Variants in PLG observed in about 807,000 individuals in gnomAD.
PLG encodes plasmin.
Under a neutral mutation model 104.4 loss-of-function variants are expected in PLG, and 41 were observed. That is an observed-to-expected ratio of 0.39 (90% CI 0.31 to 0.51). PLG has a LOEUF of 0.51. PLG is among the 20% of genes least tolerant of loss of function. The pLI is 0.76. For missense variants in PLG, 891 were observed against 1,003.6 expected, an observed-to-expected ratio of 0.89 and a Z score of 1.52; for synonymous variants, 337 against 357.1, an observed-to-expected ratio of 0.94 and a Z score of 0.63.
chr6:160,718,867 GGC>G, intron 9 of PLG, 29 bp downstream of exon 9: 2 of 1,606,074 alleles, frequency 1.2e-6, no homozygotes, highest in South Asian at 1.1e-5. Flanking sequence ...GCTTACTGAG[GGC>G]CCAAGTTTTC....
At chr6:160,728,657 T>C (rs544418311) in intron 10 of PLG, among the ~76,000 whole-genome samples, 128 of 152,226 alleles carry the variant, frequency 8.4e-4, no homozygotes, top group African/African-American at 3.0e-3. Context: ...GAAAAACATC[T>C]TTTCCAAAAT....
chr6:160,732,809 C>T lies in PLG; in HGVS notation c.1587+916C>T, dbSNP rs1361980610. Among the ~76,000 whole-genome samples the T allele has an allele frequency of 6.6e-6, 1 of 152,192 alleles. No individual in the cohort carries two copies. The highest frequency in any genetic ancestry group is 2.4e-5 in the African/African-American group (1 of 41,450). Reference sequence around the variant, plus strand: ...AAGGGGCTCAGAGTTTCCATGCCCTCTCCAGTGCACCAGCCCCCGGTACCC... The same window carrying T: ...AAGGGGCTCAGAGTTTCCATGCCCTTTCCAGTGCACCAGCCCCCGGTACCC... On this transcript the variant is annotated intron_variant, in intron 12 of 18. Transcript: ENST00000308192. The surrounding 1 kb of genome is among the most constrained non-coding windows in gnomAD (Gnocchi z 4.5).
At chr6:160,716,403 G>A (rs1482306606) in intron 6 of PLG, among the ~76,000 whole-genome samples, 1 of 152,140 alleles carries the variant, frequency 6.6e-6, no homozygotes, top group East Asian at 1.9e-4. Flanking sequence ...AGGAGTTCAA[G>A]GCAAGCCTGG....
In PLG at chr6:160,716,700, C is replaced by T. The variant is rs758158723; in HGVS notation, c.724C>T (p.Arg242Trp). 20 of 1,613,684 alleles carry T rather than the reference C, an allele frequency of 1.2e-5. No homozygotes were observed. Among genetic ancestry groups the T allele is most frequent in the Middle Eastern group, 3.3e-4 (2 of 6,062 alleles). ...CTGTCGTAACCCCGATAGGGAGCTGCGGCCTTGGTGTTTCACCACCGACCC... is the reference window on the plus strand; with the variant it reads ...CTGTCGTAACCCCGATAGGGAGCTGTGGCCTTGGTGTTTCACCACCGACCC... ...NYCRNPDRELRPWCFTTDPNK... is the reference protein window; with the variant it reads ...NYCRNPDRELWPWCFTTDPNK... Residue 242 changes from arginine (R) to tryptophan (W), a missense_variant, in exon 7 of 19, where the codon CGG becomes TGG. Arg to Trp is a moderately radical substitution (Grantham distance 101). Transcript: ENST00000308192.
chr6:160,703,751 C>T (rs1777467915), intron 1 of PLG, among the ~76,000 whole-genome samples: 1 of 152,208 alleles, frequency 6.6e-6, no homozygotes, highest in African/African-American at 2.4e-5. Context: ...TGCATGGAAA[C>T]TAGGACATAG....
intron 2 of PLG, among the ~76,000 whole-genome samples, chr6:160,707,355 G>T (rs184555866): frequency 6.6e-6 from 1 of 152,174 alleles, no homozygotes; most frequent in Admixed American, 6.5e-5. Context: ...TCATGGAGAC[G>T]GACTATCTTG....
rs2115170231 is a variant in PLG at position 160,726,787 on chromosome 6, TTTA to T, written c.1256+4221_1256+4223del. Among the ~76,000 whole-genome samples the T allele has an allele frequency of 6.6e-6, 1 of 152,056 alleles. No individual in the cohort carries two copies. The highest frequency in any genetic ancestry group is 2.4e-5 in the African/African-American group (1 of 41,546). On this transcript the variant is annotated intron_variant, in intron 10 of 18. Transcript: ENST00000308192. This position sits in a 1 kb window ranked among gnomAD's most constrained non-coding sequence, Gnocchi z 4.4. ...AGTATATATTACAAAATGAAAGCTCTTTAGGGTCCCCAATACTTTTTAAGAGTT... is the reference window on the plus strand; with the variant it reads ...AGTATATATTACAAAATGAAAGCTCTGGGTCCCCAATACTTTTTAAGAGTT...
rs1020073441 is a variant in PLG at position 160,726,902 on chromosome 6, G to A, written c.1257-4149G>A. Among the ~76,000 whole-genome samples, 1 of 151,848 alleles carries A rather than the reference G, an allele frequency of 6.6e-6. No individual in the cohort carries two copies. Among genetic ancestry groups the A allele is most frequent in the Non-Finnish European group, 1.5e-5 (1 of 67,838 alleles). On this transcript the variant is annotated intron_variant, in intron 10 of 18. Coordinates refer to ENST00000308192, the MANE Select transcript of PLG (RefSeq NM_000301.5). This position sits in a 1 kb window ranked among gnomAD's most constrained non-coding sequence, Gnocchi z 4.4. ...AAAAGGAGAAGCAAATAAGATCCAA[G>A]GTAAGTGGAAGGAAGGAAAGAATGA...
chr6:160,748,472 G>GGAGA (rs1778334707), intron 17 of PLG, among the ~76,000 whole-genome samples: 1 of 132,152 alleles, frequency 7.6e-6, no homozygotes, highest in Non-Finnish European at 1.6e-5. Flanking sequence ...AGGGAGGGAG[G>GGAGA]GAGGAAGGGT....
chr6:160,741,366 G>A lies in PLG; in HGVS notation c.2074G>A (p.Val692Met). 2.5e-6 allele frequency: 4 copies of A among 1,613,742 alleles called. No homozygotes were observed. The highest frequency in any genetic ancestry group is 1.1e-5 in the South Asian group (1 of 91,080). ...AGCTTGTCTGCCATCCCCAAATTATGTGGTCGCTGACCGGACCGAATGTTT... is the reference window on the plus strand; with the variant it reads ...AGCTTGTCTGCCATCCCCAAATTATATGGTCGCTGACCGGACCGAATGTTT... The part of the protein sequence containing the change: ...IPACLPSPNY[V>M]VADRTECFIT... Residue 692 changes from valine (V) to methionine (M), a missense_variant, in exon 17 of 19, where the codon GTG (valine) becomes ATG (methionine). Val to Met is a conservative substitution (Grantham distance 21). This residue lies in a region of PLG where 854 missense variants were observed against 932.1 expected (regional missense o/e 0.92). Coordinates refer to ENST00000308192, the MANE Select transcript of PLG (RefSeq NM_000301.5). This position sits in a 1 kb window ranked among gnomAD's most constrained non-coding sequence, Gnocchi z 4.7.
In PLG at chr6:160,741,198, C is replaced by A; in HGVS notation, c.2019-113C>A. The A allele has an allele frequency of 1.3e-6, 1 of 766,720 alleles. No individual in the cohort carries two copies. Among genetic ancestry groups the A allele is most frequent in the Non-Finnish European group, 2.4e-6 (1 of 420,966 alleles). The allele number at this position is 766,720 out of a possible 1,614,324, so 47.5% of individuals were successfully genotyped here. A position where few individuals can be genotyped will look rare whatever the true frequency, so the allele number is the denominator to read the frequency against. On this transcript the variant is annotated intron_variant, in intron 16 of 18. Coordinates refer to ENST00000308192, the MANE Select transcript of PLG (RefSeq NM_000301.5). The surrounding 1 kb of genome is among the most constrained non-coding windows in gnomAD (Gnocchi z 4.7). The stretch of plus-strand genomic sequence containing the variant: ...TCTACGTTGCTCTGTGTCAGTGAAG[C>A]AAGGCAGTGCCAGTTCAGAGGGCTC...
chr6:160,736,864 T>C lies in PLG; in HGVS notation c.1682-23T>C, dbSNP rs1276096791. On this transcript the variant is annotated intron_variant, in intron 13 of 18. Coordinates refer to ENST00000308192, the MANE Select transcript of PLG (RefSeq NM_000301.5). This position sits in a 1 kb window ranked among gnomAD's most constrained non-coding sequence, Gnocchi z 5.2. ...ATTGCTACCTTGTCTCAAATGGGAT[T>C]TCTTTCCCACCTTGTGCCACAGCGG... 2 of 1,613,126 alleles carry C rather than the reference T, an allele frequency of 1.2e-6. No individual in the cohort carries two copies. The highest frequency in any genetic ancestry group is 4.5e-5 in the East Asian group (2 of 44,840).
chr6:160,730,952 C>T (rs1304406118), intron 10 of PLG, 99 bp from the exon 11 acceptor site: 5 of 1,188,626 alleles, frequency 4.2e-6, no homozygotes, highest in Non-Finnish European at 3.7e-6. Context: ...TATTTCAAAG[C>T]CACTTGTTAA....
chr6:160,731,962 G>A lies in PLG; in HGVS notation c.1587+69G>A. 1.3e-6 allele frequency: 2 copies of A among 1,522,352 alleles called. No individual in the cohort carries two copies. Among genetic ancestry groups the A allele is most frequent in the East Asian group, 2.2e-5 (1 of 44,466 alleles). The allele number at this position is 1,522,352 out of a possible 1,614,324, so 94.3% of individuals were successfully genotyped here. On this transcript the variant is annotated intron_variant, in intron 12 of 18. Transcript: ENST00000308192. This position sits in a 1 kb window ranked among gnomAD's most constrained non-coding sequence, Gnocchi z 5.1. ...TCTTTGCAAACAGAATTGGTTCTGT[G>A]TTACAGAAAATCTGACCTGGACTGC...
In PLG at chr6:160,713,135, G is replaced by A. The variant is rs1777674130; in HGVS notation, c.547+10G>A. On this transcript the variant is annotated intron_variant, in intron 5 of 18. Coordinates refer to ENST00000308192, the MANE Select transcript of PLG (RefSeq NM_000301.5). ...ATTCTTGAGTGTGAAGGTCAGGAGT[G>A]GTTCTAGAAAATGTTTTCATTTCTG... is the stretch of plus-strand genomic sequence containing the variant. The A allele has an allele frequency of 6.2e-7, 1 of 1,606,400 alleles. No individual in the cohort carries two copies. The highest frequency in any genetic ancestry group is 1.3e-5 in the African/African-American group (1 of 74,660).
rs1778240058 is a variant in PLG, at chr6:160,744,108, G to C, written c.2125+2691G>C. Among the ~76,000 whole-genome samples, 1 of 152,132 alleles carries C rather than the reference G, an allele frequency of 6.6e-6. No individual in the cohort carries two copies. Among genetic ancestry groups the C allele is most frequent in the South Asian group, 2.1e-4 (1 of 4,826 alleles). On this transcript the variant is annotated intron_variant, in intron 17 of 18. Transcript: ENST00000308192. This position sits in a 1 kb window ranked among gnomAD's most constrained non-coding sequence, Gnocchi z 4.5. ...GCATCAGTGTTCATCAAGGATATTG[G>C]CCTGAAGTTTTTTGTTGTTTTTGTG...
At chr6:160,703,326 A>G (rs930838609) in intron 1 of PLG, among the ~76,000 whole-genome samples, 2 of 152,062 alleles carry the variant, frequency 1.3e-5, no homozygotes, top group African/African-American at 4.8e-5. Context: ...CCATTTAGGC[A>G]TACAATCCAA....
At position 160,739,855 on chromosome 6, in the gene PLG, ATAT is replaced by A. The variant is rs1181291748; in HGVS notation, c.2018+658_2018+660del. Among the ~76,000 whole-genome samples the A allele has an allele frequency of 2.0e-5, 3 of 151,694 alleles. No homozygotes were observed. The highest frequency in any genetic ancestry group is 4.8e-5 in the African/African-American group (2 of 41,328). Reference sequence around the variant, plus strand: ...CAAATACAGTTTATAAATGTAAATTATATTATTATTATTGTCTTCTTTGATTTG... The same window carrying A: ...CAAATACAGTTTATAAATGTAAATTATATTATTATTGTCTTCTTTGATTTG... On this transcript the variant is annotated intron_variant, in intron 16 of 18. Coordinates refer to ENST00000308192, the MANE Select transcript of PLG (RefSeq NM_000301.5). This position sits in a 1 kb window ranked among gnomAD's most constrained non-coding sequence, Gnocchi z 4.4.
chr6:160,728,208 TC>T (rs1054887543), intron 10 of PLG, among the ~76,000 whole-genome samples: 47 of 63,918 alleles, frequency 7.4e-4, no homozygotes, highest in African/African-American at 2.5e-3. Flanking sequence ...GACAATAGTA[TC>T]AAAACCACAA....
Sources: allele counts gnomAD v4.1 joint callset (sites outside exome capture counted in the v4.1 genomes callset), GRCh38; gene constraint gnomAD v4.1.1; regional missense constraint gnomAD v4.1.1; non-coding constraint Gnocchi (gnomAD v3.1); transcripts MANE v1.5; gene names NCBI Gene and HGNC (gene_info 2026-07-23, HGNC 2026-07-21).